The following HS6ST3 variants were observed in gnomAD, a reference collection of about 807,000 sequenced individuals.
HS6ST3 encodes heparan-sulfate 6-O-sulfotransferase 3.
HS6ST3 carries 12 observed loss-of-function variants against 36.7 expected under a neutral mutation model. The ratio of observed to expected loss-of-function variants is 0.33; its 90% CI spans 0.21 to 0.53. The LOEUF (loss-of-function observed/expected upper bound fraction) is 0.53. HS6ST3 is among the 20% of genes least tolerant of loss of function. HS6ST3 has a pLI of 0.95. For missense variants in HS6ST3, 584 were observed against 640.9 expected (o/e 0.91, Z 0.96); for synonymous variants, 240 against 257.5 (o/e 0.93, Z 0.65).
chr13:96,756,041 C>T (rs1876821645), intron 1 of HS6ST3, among the ~76,000 whole-genome samples: 1 of 152,136 alleles, frequency 6.6e-6, no homozygotes, highest in Non-Finnish European at 1.5e-5. Flanking sequence ...TGTTAACTCA[C>T]TTTAGTTTTA....
intron 1 of HS6ST3, among the ~76,000 whole-genome samples, chr13:96,132,546 C>T (rs1305242936): frequency 1.3e-5 from 2 of 152,090 alleles, no homozygotes; most frequent in African/African-American, 2.4e-5. Flanking sequence ...GCTGGGACCA[C>T]AGGCGTATGC....
At chr13:96,381,956 A>G (rs2055343663) in intron 1 of HS6ST3, among the ~76,000 whole-genome samples, 1 of 152,144 alleles carries the variant, frequency 6.6e-6, no homozygotes, top group Non-Finnish European at 1.5e-5. Context: ...GGCTGCATTA[A>G]GGAACATTTT....
chr13:96,149,508 G>C (rs114879795), intron 1 of HS6ST3, among the ~76,000 whole-genome samples: 2,393 of 152,270 alleles, frequency 0.016, 54 homozygotes, highest in African/African-American at 0.055. Flanking sequence ...TCTCAAGTGA[G>C]AAAAGCCAAG....
At position 96,836,867 on chromosome 13, in the gene HS6ST3, G is replaced by A. The variant is rs1032603523; in HGVS notation, c.*3669G>A. ...GCTCTGGTGTGTGATGTTACCAGAC[G>A]CCTAGGCCCTCTCCTGTTGCTCTGT... is the stretch of plus-strand genomic sequence containing the variant. On this transcript the variant is annotated 3_prime_UTR_variant, in exon 2 of 2. Coordinates refer to ENST00000376705, the MANE Select transcript of HS6ST3 (RefSeq NM_153456.4). 1.3e-5 allele frequency: 2 copies of A among 152,174 alleles called. No homozygotes were observed. The highest frequency in any genetic ancestry group is 4.1e-4 in the South Asian group (2 of 4,828). The allele number at this position is 152,174 out of a possible 1,614,324, so 9.4% of individuals were successfully genotyped here. A position where few individuals can be genotyped will look rare whatever the true frequency, so the allele number is the denominator to read the frequency against.
At chr13:96,718,135 A>G (rs1566437325) in intron 1 of HS6ST3, among the ~76,000 whole-genome samples, 1 of 152,180 alleles carries the variant, frequency 6.6e-6, no homozygotes, top group Non-Finnish European at 1.5e-5. Flanking sequence ...CATCCCACCT[A>G]ACATTTGCAA....
At chr13:96,097,843 A>T (rs1195166246) in intron 1 of HS6ST3, among the ~76,000 whole-genome samples, 3 of 152,252 alleles carry the variant, frequency 2.0e-5, no homozygotes, top group Non-Finnish European at 4.4e-5. Flanking sequence ...AGATTAATTT[A>T]TAGAAGATTC....
chr13:96,363,869 T>C (rs2055251070), intron 1 of HS6ST3, among the ~76,000 whole-genome samples: 1 of 152,146 alleles, frequency 6.6e-6, no homozygotes, highest in African/African-American at 2.4e-5. Context: ...ATGAATTTTT[T>C]TTGAAATGAA....
chr13:96,683,094 A>G (rs148355168), intron 1 of HS6ST3, among the ~76,000 whole-genome samples: 1 of 152,216 alleles, frequency 6.6e-6, no homozygotes, highest in African/African-American at 2.4e-5. Flanking sequence ...TTGTATATTT[A>G]AAGTATCTGC....
chr13:96,242,809 A>G (rs2054567275), intron 1 of HS6ST3, among the ~76,000 whole-genome samples: 1 of 152,232 alleles, frequency 6.6e-6, no homozygotes, highest in Non-Finnish European at 1.5e-5. Flanking sequence ...AGAATCCAAC[A>G]GTCTCACCTC....
chr13:96,214,932 T>C (rs925503452), intron 1 of HS6ST3, among the ~76,000 whole-genome samples: 1 of 152,212 alleles, frequency 6.6e-6, no homozygotes, highest in African/African-American at 2.4e-5. Flanking sequence ...AACTGAGCAG[T>C]GACACATCTT....
At chr13:96,187,587 G>C (rs578047418) in intron 1 of HS6ST3, among the ~76,000 whole-genome samples, 1 of 152,172 alleles carries the variant, frequency 6.6e-6, no homozygotes, top group African/African-American at 2.4e-5. Flanking sequence ...TTATAGAATA[G>C]GTTCTGGCAC....
At chr13:96,780,551 C>T (rs1391061826) in intron 1 of HS6ST3, among the ~76,000 whole-genome samples, 1 of 151,994 alleles carries the variant, frequency 6.6e-6, no homozygotes, top group African/African-American at 2.4e-5. Context: ...TGAGTGAATG[C>T]TAGAGATCCA....
intron 1 of HS6ST3, among the ~76,000 whole-genome samples, chr13:96,352,445 C>T (rs1290967618): frequency 6.6e-6 from 1 of 152,326 alleles, no homozygotes; most frequent in East Asian, 1.9e-4. Context: ...CCAGAGGCCA[C>T]TCAAGTGTCT....
chr13:96,691,168 G>A (rs1470512406), intron 1 of HS6ST3, among the ~76,000 whole-genome samples: 1 of 152,100 alleles, frequency 6.6e-6, no homozygotes. Flanking sequence ...TAAGGAGGGG[G>A]TGTTTTCAGC....
At chr13:96,352,407 G>A (rs945533103) in intron 1 of HS6ST3, among the ~76,000 whole-genome samples, 6 of 152,198 alleles carry the variant, frequency 3.9e-5, no homozygotes, top group Non-Finnish European at 7.3e-5. Flanking sequence ...ATTGGCAGTA[G>A]GTGTCAGTTC....
chr13:96,730,576 AT>A (rs575695249), intron 1 of HS6ST3, among the ~76,000 whole-genome samples: 52 of 151,030 alleles, frequency 3.4e-4, no homozygotes, highest in South Asian at 2.3e-3. Flanking sequence ...ACAATGTGAT[AT>A]TTTTTTTTGA....
chr13:96,823,820 A>G (rs1347769586), intron 1 of HS6ST3, among the ~76,000 whole-genome samples: 3 of 152,080 alleles, frequency 2.0e-5, no homozygotes, highest in Admixed American at 6.6e-5. Context: ...GGGTTTCGCC[A>G]TGTTGGCCAG....
chr13:96,752,655 T>A (rs1876728324), intron 1 of HS6ST3, among the ~76,000 whole-genome samples: 1 of 152,176 alleles, frequency 6.6e-6, no homozygotes, highest in Non-Finnish European at 1.5e-5. Context: ...ATCATTTGTC[T>A]TTTTTCTTTT....
intron 1 of HS6ST3, among the ~76,000 whole-genome samples, chr13:96,104,218 T>C (rs1198245205): frequency 1.3e-5 from 2 of 152,198 alleles, no homozygotes; most frequent in Non-Finnish European, 2.9e-5. Context: ...TACTTTAGAA[T>C]AGAAAATAAA....
Sources: allele counts gnomAD v4.1 joint callset (sites outside exome capture counted in the v4.1 genomes callset), GRCh38; gene constraint gnomAD v4.1.1; transcripts MANE v1.5; gene names NCBI Gene and HGNC (gene_info 2026-07-23, HGNC 2026-07-21).